U2AF1L4: variants seen among roughly 807,000 people sequenced by gnomAD.
U2AF1L4 encodes U2 small nuclear RNA auxiliary factor 1 like 4, also known as splicing factor U2AF 26 kDa subunit.
A neutral mutation model predicts 21.7 loss-of-function variants in U2AF1L4; 21 were observed. The observed-to-expected ratio is 0.97, with a 90% CI of 0.69 to 1.39. The LOEUF is 1.39. Among genes scored for constraint, U2AF1L4 ranks in the 40% most tolerant of loss-of-function variants. The pLI, the probability that U2AF1L4 is intolerant of heterozygous loss-of-function variation, is 0.00. For synonymous variants in U2AF1L4, 92 were observed against 89.7 expected, an observed-to-expected ratio of 1.03 and a Z score of -0.15; for missense variants, 259 against 245.7, an observed-to-expected ratio of 1.05 and a Z score of -0.36.
chr19:35,743,998 T>C lies in U2AF1L4; in HGVS notation c.365+14A>G, dbSNP rs1166717723. On this transcript the variant is annotated intron_variant, in intron 4 of 5. Coordinates refer to ENST00000378975, the MANE Select transcript of U2AF1L4 (RefSeq NM_001040425.3). ...GGGATTCCAAGTGCCCATCCCACCC[T>C]TGAACTACCATACCCCATCTCATAC... 1 of 1,612,140 alleles carries C rather than the reference T, an allele frequency of 6.2e-7. No individual in the cohort carries two copies. The highest frequency in any genetic ancestry group is 8.5e-7 in the Non-Finnish European group (1 of 1,178,516).
In U2AF1L4 at chr19:35,745,110, C is replaced by T. The variant is rs766092256; in HGVS notation, c.132+15G>A. ...AGGGAGCCGTTAACCCCCGAGGCTC[C>T]GTGCCGGGTCTCACCTGGCTGAATG... On this transcript the variant is annotated intron_variant, in intron 2 of 5. Transcript: ENST00000378975. The T allele has an allele frequency of 1.9e-6, 3 of 1,611,570 alleles. No individual in the cohort carries two copies. The highest frequency in any genetic ancestry group is 2.5e-6 in the Non-Finnish European group (3 of 1,179,326).
In U2AF1L4 at chr19:35,744,425, T is replaced by C; in HGVS notation, c.133-4A>G. ...CCTGCAGTTCTGTGAACACCTCCTG[T>C]GGAAGACGGGGAGGAACTCAGCTGA... On this transcript the variant is annotated splice_polypyrimidine_tract_variant and splice_region_variant and intron_variant, in intron 2 of 5. Transcript: ENST00000378975. The C allele has an allele frequency of 6.2e-7, 1 of 1,614,124 alleles. No homozygotes were observed. Among genetic ancestry groups the C allele is most frequent in the South Asian group, 1.1e-5 (1 of 91,084 alleles).
intron 2 of U2AF1L4, 103 bp downstream of exon 2, chr19:35,745,022 G>C: frequency 8.7e-7 from 1 of 1,155,142 alleles, no homozygotes; most frequent in Non-Finnish European, 1.2e-6. Context: ...GGGCGGTGGG[G>C]AGGGACTCAG....
rs1368490756 is a variant in U2AF1L4 at position 35,744,601 on chromosome 19, C to T, written c.133-180G>A. The T allele has an allele frequency of 7.1e-6, 11 of 1,538,522 alleles. No homozygotes were observed. The South Asian group carries it at 1.1e-4, about 15-fold the overall frequency. ...AGCCTACTGGGGGCTGTTCACCTTG[C>T]CCCCAGGCCTGGTCCCTTACTCACA... On this transcript the variant is annotated intron_variant, in intron 2 of 5. Coordinates refer to ENST00000378975, the MANE Select transcript of U2AF1L4 (RefSeq NM_001040425.3).
At chr19:35,745,064 G>T in intron 2 of U2AF1L4, 61 bp downstream of exon 2, 1 of 1,514,254 alleles carries the variant, frequency 6.6e-7, no homozygotes, top group Middle Eastern at 2.1e-4. Context: ...TGGTGACGAC[G>T]GCCCCAGAAG....
At chr19:35,743,686 C>CAAAA (rs36076889) in intron 5 of U2AF1L4, 123 bp downstream of exon 5, 138 of 494,922 alleles carry the variant, frequency 2.8e-4, no homozygotes, top group South Asian at 8.0e-4. Flanking sequence ...GGCTCCATCT[C>CAAAA]AAAAAAAAAA....
chr19:35,743,812 C>T lies in U2AF1L4; in HGVS notation c.458G>A (p.Arg153His), dbSNP rs371969167. The T allele has an allele frequency of 2.9e-5, 47 of 1,608,548 alleles. No individual in the cohort carries two copies. The highest frequency in any genetic ancestry group is 3.8e-5 in the Non-Finnish European group (45 of 1,177,644). Residue 153 changes from arginine to histidine, a missense_variant, in exon 5 of 6, where the codon CGC (arginine) becomes CAC (histidine). By Grantham distance (29) the Arg-to-His change is conservative (BLOSUM62 0). Transcript: ENST00000378975. Reference sequence around the variant, plus strand: ...TAGCAGGCTGGTCCTGAGGTACCTGCGCCTGGGTCCCCGCCCATAGAGCTG... The same window carrying T: ...TAGCAGGCTGGTCCTGAGGTACCTGTGCCTGGGTCCCCGCCCATAGAGCTG... ...QRQLYGRGPR[R>H]RSPPRFHTGH...
Position 35,745,137 on chromosome 19 carries a change from C to G in U2AF1L4, c.120G>C (p.Pro40=). ...TGCCGGGTCTCACCTGGCTGAATGTCGGCTTGTTGTGAAGCCGGGAGCACC... is the reference window on the plus strand; with the variant it reads ...TGCCGGGTCTCACCTGGCTGAATGTGGGCTTGTTGTGAAGCCGGGAGCACC... ...GDRCSRLHNK[P]TFSQEVFTEL... is the part of the protein sequence containing the mutation. Residue 40 remains proline, a synonymous_variant, in exon 2 of 6, where the codon CCG becomes CCC. Coordinates refer to ENST00000378975, the MANE Select transcript of U2AF1L4 (RefSeq NM_001040425.3). The G allele has an allele frequency of 6.2e-7, 1 of 1,613,398 alleles. No homozygotes were observed. Among genetic ancestry groups the G allele is most frequent in the African/African-American group, 1.3e-5 (1 of 75,048 alleles).
In U2AF1L4 at chr19:35,744,352, C is replaced by T; in HGVS notation, c.202G>A (p.Asp68Asn). The T allele has an allele frequency of 6.2e-7, 1 of 1,614,138 alleles. No individual in the cohort carries two copies. The part of the protein sequence containing the change: ...EEMNVCDNLG[D>N]HLVGNVYVKF... ...ACATAGACGTTGCCCACGAGGTGGTCCCCAAGGTTGTCGCACACATTCATC... is the reference window on the plus strand; with the variant it reads ...ACATAGACGTTGCCCACGAGGTGGTTCCCAAGGTTGTCGCACACATTCATC... The change falls in exon 3 of 6, where the codon GAC becomes AAC. Residue 68 changes from aspartate (D) to asparagine (N), a missense_variant. By Grantham distance (23) the Asp-to-Asn change is conservative. Coordinates refer to ENST00000378975, the MANE Select transcript of U2AF1L4 (RefSeq NM_001040425.3).
chr19:35,743,781 G>A, intron 5 of U2AF1L4, 28 bp downstream of exon 5: 11 of 1,590,396 alleles, frequency 6.9e-6, no homozygotes, highest in Non-Finnish European at 9.4e-6. Context: ...AGGACATGAG[G>A]AGACATAGCA....
In U2AF1L4 at chr19:35,744,110, A is replaced by T. The variant is rs1413209086; in HGVS notation, c.267T>A (p.Ala89=). Residue 89 remains alanine, a synonymous_variant, in exon 4 of 6, where the codon GCT becomes GCA. Coordinates refer to ENST00000378975, the MANE Select transcript of U2AF1L4 (RefSeq NM_001040425.3). ...RREEDGERAV[A]ELSNRWFNGQ... ...CGTTGAACCAGCGGTTACTGAGTTC[A>T]GCCACGGCCCGCTCTCCATCCTCCT... 7 of 1,614,040 alleles carry T rather than the reference A, an allele frequency of 4.3e-6. No individual in the cohort carries two copies. The highest frequency in any genetic ancestry group is 5.9e-6 in the Non-Finnish European group (7 of 1,180,022).
chr19:35,744,645 T>C (rs1306119992), intron 2 of U2AF1L4: 2 of 1,536,304 alleles, frequency 1.3e-6, no homozygotes, highest in Admixed American at 3.9e-5. Flanking sequence ...CGTCTGCAGT[T>C]TGGGCTGTGT....
exon 1 of U2AF1L4, chr19:35,745,417 CTGCTCT>C: frequency 6.2e-7 from 1 of 1,614,206 alleles, no homozygotes; most frequent in Non-Finnish European, 8.5e-7. Flanking sequence ...CCAGGTCTGG[CTGCTCT>C]TACGTCACTT....
rs1226255107 is a variant in U2AF1L4, at chr19:35,743,636, A to G, written c.461+173T>C. The G allele has an allele frequency of 4.5e-6, 3 of 673,414 alleles. No homozygotes were observed. In the East Asian group the frequency reaches 8.3e-5, roughly 19 times the overall value. The allele number at this position is 673,414 out of a possible 1,614,324, so 41.7% of individuals were successfully genotyped here. A position where few individuals can be genotyped will look rare whatever the true frequency, so the allele number is the denominator to read the frequency against. ...CGGGAGGCGGAAGTTGCCATGAACC[A>G]AGATGGTGCCAATGCACTCCAGCCT... On this transcript the variant is annotated intron_variant, in intron 5 of 5. Transcript: ENST00000378975.
In U2AF1L4 at chr19:35,744,113, C is replaced by T; in HGVS notation, c.264G>A (p.Val88=). The T allele has an allele frequency of 6.2e-7, 1 of 1,614,000 alleles. No individual in the cohort carries two copies. The highest frequency in any genetic ancestry group is 8.5e-7 in the Non-Finnish European group (1 of 1,180,022). ...TGAACCAGCGGTTACTGAGTTCAGCCACGGCCCGCTCTCCATCCTCCTCCC... is the reference window on the plus strand; with the variant it reads ...TGAACCAGCGGTTACTGAGTTCAGCTACGGCCCGCTCTCCATCCTCCTCCC... The part of the protein sequence containing the change: ...FRREEDGERA[V]AELSNRWFNG... Residue 88 remains valine (V), a synonymous_variant, in exon 4 of 6, where the codon GTG becomes GTA. Coordinates refer to ENST00000378975, the MANE Select transcript of U2AF1L4 (RefSeq NM_001040425.3).
chr19:35,743,833 A>C lies in U2AF1L4; in HGVS notation c.437T>G (p.Leu146Arg). Residue 146 changes from leucine to arginine, a missense_variant, in exon 5 of 6, where the codon CTC becomes CGC. By Grantham distance (102) the Leu-to-Arg change is moderately radical. Coordinates refer to ENST00000378975, the MANE Select transcript of U2AF1L4 (RefSeq NM_001040425.3). ...RPISQNLQRQLYGRGPRRRSP... is the reference protein window; with the variant it reads ...RPISQNLQRQRYGRGPRRRSP... ...CCTGCGCCTGGGTCCCCGCCCATAGAGCTGCCTCTGGAGGTTCTGGGAAAT... is the reference window on the plus strand; with the variant it reads ...CCTGCGCCTGGGTCCCCGCCCATAGCGCTGCCTCTGGAGGTTCTGGGAAAT... 6.2e-7 allele frequency: 1 copy of C among 1,612,940 alleles called. No individual in the cohort carries two copies. Among genetic ancestry groups the C allele is most frequent in the East Asian group, 2.2e-5 (1 of 44,852 alleles).
Position 35,744,922 on chromosome 19 carries a change from G to T in U2AF1L4, c.132+203C>A, listed in dbSNP as rs115286677. 4.3e-6 allele frequency: 3 copies of T among 704,606 alleles called. No individual in the cohort carries two copies. The African/African-American group carries it at 5.3e-5, about 13-fold the overall frequency. 43.6% of individuals were successfully genotyped at this position (704,606 alleles called of 1,614,324 possible). A position where few individuals can be genotyped will look rare whatever the true frequency, so the allele number is the denominator to read the frequency against. ...GATGAACAGCCGCCGTGTGTAGCCT[G>T]TACGCATGGGGGCGCGACCAAGTTC... is the stretch of plus-strand genomic sequence containing the variant. On this transcript the variant is annotated intron_variant, in intron 2 of 5. Transcript: ENST00000378975.
rs989292053 is a variant in U2AF1L4 at position 35,744,391 on chromosome 19, C to T, written c.163G>A (p.Gly55Arg). Reference sequence around the variant, plus strand: ...CACACATTCATCTCTTCAATCTCCCCATACTTCTCCTGCAGTTCTGTGAAC... The same window carrying T: ...CACACATTCATCTCTTCAATCTCCCTATACTTCTCCTGCAGTTCTGTGAAC... Reference protein sequence around the residue: ...EVFTELQEKYGEIEEMNVCDN... With the variant: ...EVFTELQEKYREIEEMNVCDN... Residue 55 changes from glycine (G) to arginine (R), a missense_variant, in exon 3 of 6, where the codon GGG becomes AGG. Gly to Arg is a moderately radical substitution (Grantham distance 125, BLOSUM62 -2). Transcript: ENST00000378975. The T allele has an allele frequency of 6.2e-7, 1 of 1,614,178 alleles. No homozygotes were observed. The highest frequency in any genetic ancestry group is 8.5e-7 in the Non-Finnish European group (1 of 1,180,036).
At chr19:35,744,612 G>T (rs1029184716) in intron 2 of U2AF1L4, 191 bp from the exon 3 acceptor site, 1 of 1,537,238 alleles carries the variant, frequency 6.5e-7, no homozygotes, top group African/African-American at 1.4e-5. Flanking sequence ...CCCCAGGCCT[G>T]GTCCCTTACT....
Sources: allele counts gnomAD v4.1 joint callset, GRCh38; gene constraint gnomAD v4.1.1; transcripts MANE v1.5; gene names NCBI Gene and HGNC (gene_info 2026-07-23, HGNC 2026-07-21).